The following USP53 variants were observed in gnomAD, a reference collection of about 807,000 sequenced individuals.
USP53 encodes ubiquitin carboxyl-terminal hydrolase 53.
A neutral mutation model predicts 94.9 loss-of-function variants in USP53; 71 were observed. The observed-to-expected ratio is 0.75, with a 90% CI of 0.62 to 0.91. The LOEUF (loss-of-function observed/expected upper bound fraction) is 0.91, where lower values mean the gene tolerates loss of function less well. Among genes scored for constraint, USP53 ranks in the 40% least tolerant of loss-of-function variants. The probability of loss-of-function intolerance (pLI) is 0.00; values close to 1 mark genes in which losing one functional copy is unlikely to be tolerated. For synonymous variants in USP53, 375 were observed against 422.7 expected (o/e 0.89, Z 1.39); for missense variants, 1,173 against 1,281.0 (o/e 0.92, Z 1.29).
chr4:119,287,540 CTT>C (rs1754252837), intron 17 of USP53, among the ~76,000 whole-genome samples: 1 of 152,070 alleles, frequency 6.6e-6, no homozygotes, highest in African/African-American at 2.4e-5. Flanking sequence ...GCTTTAATAA[CTT>C]TGTTTTCTTT....
chr4:119,230,516 T>C (rs890569894), intron 3 of USP53, among the ~76,000 whole-genome samples: 3 of 152,158 alleles, frequency 2.0e-5, no homozygotes, highest in African/African-American at 7.2e-5. Context: ...CCTTGATAGG[T>C]GTCCCTCTCA....
intron 4 of USP53, among the ~76,000 whole-genome samples, chr4:119,236,515 G>T (rs1445394291): frequency 6.6e-6 from 1 of 152,194 alleles, no homozygotes; most frequent in Non-Finnish European, 1.5e-5. Context: ...CCCCACCACA[G>T]ATCTTCTTTC....
chr4:119,263,718 A>G (rs1437448752), intron 12 of USP53, among the ~76,000 whole-genome samples: 1 of 152,226 alleles, frequency 6.6e-6, no homozygotes, highest in Non-Finnish European at 1.5e-5. Flanking sequence ...TATTACCTTG[A>G]TAATGGGGCT....
chr4:119,278,410 A>T (rs1189300973), intron 17 of USP53, among the ~76,000 whole-genome samples: 1 of 146,148 alleles, frequency 6.8e-6, no homozygotes, highest in Non-Finnish European at 1.5e-5. Flanking sequence ...CTTTTCTTTA[A>T]GAATGTTGAA....
chr4:119,279,055 C>G (rs1263650766), intron 17 of USP53, among the ~76,000 whole-genome samples: 2 of 122,426 alleles, frequency 1.6e-5, no homozygotes, highest in Non-Finnish European at 3.6e-5. Flanking sequence ...AATGTCCTCC[C>G]GTAGCTCAGA....
chr4:119,227,975 G>A (rs1183025270), intron 3 of USP53, among the ~76,000 whole-genome samples: 1 of 152,224 alleles, frequency 6.6e-6, no homozygotes, highest in African/African-American at 2.4e-5. Context: ...TTCTAGAGAA[G>A]TTGAAACTAG....
chr4:119,230,627 C>G (rs1745936569), intron 3 of USP53, among the ~76,000 whole-genome samples: 1 of 152,078 alleles, frequency 6.6e-6, no homozygotes, highest in Non-Finnish European at 1.5e-5. Flanking sequence ...GAGTCCTGAC[C>G]AGAAAAGAAG....
intron 14 of USP53, among the ~76,000 whole-genome samples, chr4:119,269,129 A>G (rs1247380174): frequency 6.6e-6 from 1 of 152,224 alleles, no homozygotes; most frequent in Admixed American, 6.5e-5. Context: ...ATGAAGCTGT[A>G]TCTCTTTTCC....
At position 119,259,925 on chromosome 4, in the gene USP53, T is replaced by C. The variant is rs111704235; in HGVS notation, c.675T>C (p.Pro225=). 1.4e-5 allele frequency: 23 copies of C among 1,601,880 alleles called. No homozygotes were observed. In the African/African-American group the frequency reaches 1.5e-4, roughly 10 times the overall value. Residue 225 remains proline, a splice_region_variant and synonymous_variant, in exon 10 of 19, where the codon CCT becomes CCC. Transcript: ENST00000692078. The part of the protein sequence containing the change: ...ANTTDDYRKC[P]SNCGQKIKIR... ...CAACAGATGACTATAGGAAATGTCC[T>C]GTAAGTATAGTTTGGAGAATATTAG...
chr4:119,287,411 C>T (rs1754233638), intron 17 of USP53, among the ~76,000 whole-genome samples: 1 of 151,880 alleles, frequency 6.6e-6, no homozygotes, highest in Admixed American at 6.6e-5. Context: ...GAAATTGCTT[C>T]CAAGATTTAA....
chr4:119,254,595 A>T (rs1307057275), intron 7 of USP53, among the ~76,000 whole-genome samples: 1 of 152,062 alleles, frequency 6.6e-6, no homozygotes, highest in South Asian at 2.1e-4. Context: ...TCTTCTCTAC[A>T]CTGTTTATTC....
chr4:119,286,013 A>G (rs1194286138), intron 17 of USP53, among the ~76,000 whole-genome samples: 1 of 151,866 alleles, frequency 6.6e-6, no homozygotes, highest in Non-Finnish European at 1.5e-5. Context: ...TATTTTGTAA[A>G]ATCCCCAAAT....
intron 3 of USP53, among the ~76,000 whole-genome samples, chr4:119,231,239 G>A (rs981319494): frequency 2.0e-5 from 3 of 152,250 alleles, no homozygotes; most frequent in East Asian, 3.9e-4. Context: ...CGAACACCCT[G>A]TAGCAATTAT....
At chr4:119,274,703 A>C (rs1261291024) in intron 17 of USP53, among the ~76,000 whole-genome samples, 1 of 140,486 alleles carries the variant, frequency 7.1e-6, no homozygotes, top group Non-Finnish European at 1.6e-5. Flanking sequence ...ACTAGTTTAC[A>C]GTCCCACCAA....
At chr4:119,277,993 T>C (rs1370111040) in intron 17 of USP53, among the ~76,000 whole-genome samples, 3 of 141,172 alleles carry the variant, frequency 2.1e-5, no homozygotes, top group African/African-American at 8.0e-5. Context: ...CCTATGTGTG[T>C]CTCTGCACGT....
intron 3 of USP53, among the ~76,000 whole-genome samples, chr4:119,226,041 C>A (rs907742118): frequency 1.3e-5 from 2 of 152,012 alleles, no homozygotes; most frequent in Non-Finnish European, 2.9e-5. Context: ...AATTCAACAA[C>A]CATTTAAACT....
At chr4:119,273,982 T>C (rs1190255823) in intron 17 of USP53, among the ~76,000 whole-genome samples, 6 of 151,216 alleles carry the variant, frequency 4.0e-5, no homozygotes, top group Non-Finnish European at 8.8e-5. Context: ...GTGTTAATAA[T>C]GGTTTTGTAT....
At chr4:119,268,491 G>C in intron 14 of USP53, 71 bp downstream of exon 14, 1 of 1,360,408 alleles carries the variant, frequency 7.4e-7, no homozygotes, top group Non-Finnish European at 9.9e-7. Flanking sequence ...ATCGGAGGAT[G>C]CTTACCTAGC....
At position 119,271,540 on chromosome 4, in the gene USP53, A is replaced by G. The variant is rs777053698; in HGVS notation, c.1680A>G (p.Thr560=). Residue 560 remains threonine, a synonymous_variant, in exon 16 of 19, where the codon ACA becomes ACG. Transcript: ENST00000692078. The stretch of plus-strand genomic sequence containing the variant: ...GTGACAATGGCACTGGATATGACAC[A>G]GACAGCAGCCAAGATTCTAGGGATA... ...VKSDNGTGYD[T]DSSQDSRDRG... The G allele has an allele frequency of 1.2e-6, 2 of 1,613,828 alleles. No individual in the cohort carries two copies. The highest frequency in any genetic ancestry group is 2.2e-5 in the South Asian group (2 of 91,072).
Sources: allele counts gnomAD v4.1 joint callset (sites outside exome capture counted in the v4.1 genomes callset), GRCh38; gene constraint gnomAD v4.1.1; transcripts MANE v1.5; gene names NCBI Gene and HGNC (gene_info 2026-07-23, HGNC 2026-07-21).